MPC2: variants seen among roughly 807,000 people sequenced by gnomAD.
The protein encoded by MPC2 is mitochondrial pyruvate carrier 2.
A neutral mutation model predicts 19.2 loss-of-function variants in MPC2; 19 were observed. The ratio of observed to expected loss-of-function variants is 0.99; its 90% CI spans 0.69 to 1.45. The LOEUF (loss-of-function observed/expected upper bound fraction) is 1.45. Among genes scored for constraint, MPC2 ranks in the 40% most tolerant of loss-of-function variants. The pLI is 0.00. For synonymous variants in MPC2, 61 were observed against 54.3 expected, an observed-to-expected ratio of 1.12 and a Z score of -0.54; for missense variants, 122 against 153.0, an observed-to-expected ratio of 0.80 and a Z score of 1.07.
intron 2 of MPC2, among the ~76,000 whole-genome samples, chr1:167,934,783 T>C (rs769204791): frequency 6.6e-6 from 1 of 152,214 alleles, no homozygotes; most frequent in Non-Finnish European, 1.5e-5. Context: ...ACACATTTTC[T>C]AGTTTGCCAA....
chr1:167,920,460 C>G (rs1670572076), intron 4 of MPC2, 87 bp downstream of exon 4: 8 of 1,357,028 alleles, frequency 5.9e-6, no homozygotes, highest in Non-Finnish European at 8.2e-6. Flanking sequence ...GTATTTCAAA[C>G]ACTAAGCCAC....
At chr1:167,936,478 T>C (rs1344998226) in intron 1 of MPC2, 1 of 186,496 alleles carries the variant, frequency 5.4e-6, no homozygotes, top group African/African-American at 2.4e-5. Context: ...CTTAAGGATC[T>C]GGTTAGAGTG....
At chr1:167,936,858 C>G in intron 1 of MPC2, 81 bp downstream of exon 1, 1 of 1,428,748 alleles carries the variant, frequency 7.0e-7, no homozygotes, top group Non-Finnish European at 9.6e-7. Context: ...TCCCCTCCCC[C>G]TCCTCCCCTC....
chr1:167,927,567 T>C (rs1392787840), intron 2 of MPC2, among the ~76,000 whole-genome samples: 1 of 152,244 alleles, frequency 6.6e-6, no homozygotes, highest in Non-Finnish European at 1.5e-5. Context: ...ACTTCTCTTG[T>C]TCTATTTGAA....
At chr1:167,929,073 T>C (rs1422708045) in intron 2 of MPC2, among the ~76,000 whole-genome samples, 1 of 152,162 alleles carries the variant, frequency 6.6e-6, no homozygotes, top group Non-Finnish European at 1.5e-5. Flanking sequence ...TGTCTATACA[T>C]TTAGGCCGGG....
intron 5 of MPC2, 53 bp from the exon 6 acceptor site, chr1:167,918,412 T>C (rs1319212388): frequency 1.7e-6 from 2 of 1,194,450 alleles, no homozygotes; most frequent in Non-Finnish European, 2.4e-6. Flanking sequence ...GACAAATTTA[T>C]GGTAAGGAGA....
intron 3 of MPC2, among the ~76,000 whole-genome samples, chr1:167,921,307 C>T (rs1430732009): frequency 6.6e-6 from 1 of 151,976 alleles, no homozygotes. Flanking sequence ...ACTGCAACCT[C>T]CACCTCCCAG....
At chr1:167,918,933 T>C (rs1186487733) in intron 5 of MPC2, among the ~76,000 whole-genome samples, 1 of 152,156 alleles carries the variant, frequency 6.6e-6, no homozygotes, top group Admixed American at 6.6e-5. Flanking sequence ...TATAGTTTCC[T>C]GTGCAAAAGT....
chr1:167,931,623 A>G (rs952484491), intron 2 of MPC2, among the ~76,000 whole-genome samples: 6 of 152,096 alleles, frequency 3.9e-5, no homozygotes, highest in African/African-American at 9.7e-5. Context: ...TGGCAACAAA[A>G]TAAGTTCTAA....
intron 2 of MPC2, among the ~76,000 whole-genome samples, chr1:167,929,234 T>C (rs1003705412): frequency 6.6e-6 from 1 of 152,052 alleles, no homozygotes; most frequent in Admixed American, 6.6e-5. Flanking sequence ...GGTGCATGCC[T>C]GTAATCCCAG....
intron 2 of MPC2, among the ~76,000 whole-genome samples, chr1:167,925,309 C>T (rs776549680): frequency 6.6e-6 from 1 of 151,402 alleles, no homozygotes; most frequent in African/African-American, 2.4e-5. Flanking sequence ...ACTTGTACCC[C>T]TATTACCTAA....
intron 2 of MPC2, among the ~76,000 whole-genome samples, chr1:167,925,424 T>C (rs1416498170): frequency 7.5e-6 from 1 of 133,486 alleles, no homozygotes; most frequent in East Asian, 2.1e-4. Flanking sequence ...ATATATAATA[T>C]ACAGATATAC....
intron 2 of MPC2, among the ~76,000 whole-genome samples, chr1:167,935,330 G>A (rs565313463): frequency 6.6e-6 from 1 of 152,330 alleles, no homozygotes; most frequent in Non-Finnish European, 1.5e-5. Flanking sequence ...AAACCCTACA[G>A]TGCGACAAAC....
intron 3 of MPC2, among the ~76,000 whole-genome samples, chr1:167,921,820 A>G (rs1023751846): frequency 2.0e-5 from 3 of 152,348 alleles, no homozygotes; most frequent in Non-Finnish European, 2.9e-5. Flanking sequence ...ATACACAAAT[A>G]AAAGATTTAG....
chr1:167,933,704 G>A (rs1369304325), intron 2 of MPC2, among the ~76,000 whole-genome samples: 1 of 152,188 alleles, frequency 6.6e-6, no homozygotes, highest in African/African-American at 2.4e-5. Context: ...AAACTCTTAA[G>A]ACAATAATCA....
intron 2 of MPC2, among the ~76,000 whole-genome samples, chr1:167,927,280 C>G (rs1670785347): frequency 6.6e-6 from 1 of 152,214 alleles, no homozygotes; most frequent in Non-Finnish European, 1.5e-5. Flanking sequence ...GACCACAGCT[C>G]TCTTCCCCTG....
chr1:167,928,265 G>C (rs1192421284), intron 2 of MPC2, among the ~76,000 whole-genome samples: 1 of 151,174 alleles, frequency 6.6e-6, no homozygotes, highest in Non-Finnish European at 1.5e-5. Flanking sequence ...GGAGAATGGC[G>C]TGAAGCCGGG....
chr1:167,929,115 T>G (rs1670832654), intron 2 of MPC2, among the ~76,000 whole-genome samples: 1 of 152,140 alleles, frequency 6.6e-6, no homozygotes, highest in Non-Finnish European at 1.5e-5. Context: ...TCCCAGCCGT[T>G]TGGGAGGCGG....
At chr1:167,925,519 CGTTTTTTTTTTTTG>C (rs1321231217) in intron 2 of MPC2, among the ~76,000 whole-genome samples, 2 of 111,300 alleles carry the variant, frequency 1.8e-5, no homozygotes, top group African/African-American at 3.4e-5. Flanking sequence ...ATACAAACAA[CGTTTTTTTTTTTTG>C]GTTTTTTTTT....
Sources: allele counts gnomAD v4.1 joint callset (sites outside exome capture counted in the v4.1 genomes callset), GRCh38; gene constraint gnomAD v4.1.1; transcripts MANE v1.5; gene names NCBI Gene and HGNC (gene_info 2026-07-23, HGNC 2026-07-21).